AP1M1: variants seen among roughly 807,000 people sequenced by gnomAD.
AP1M1 encodes AP-1 complex subunit mu-1.
Under a neutral mutation model 57.1 loss-of-function variants are expected in AP1M1, and 18 were observed. That is an observed-to-expected ratio of 0.32 (90% CI 0.22 to 0.47). The LOEUF is 0.47. Ranked by LOEUF, AP1M1 falls within the 20% of genes least tolerant of loss-of-function variation. AP1M1 has a pLI of 1.00. For missense variants in AP1M1, 362 were observed against 593.5 expected (o/e 0.61, Z 4.05); for synonymous variants, 241 against 237.9 (o/e 1.01, Z -0.12).
At position 16,207,610 on chromosome 19, in the gene AP1M1, C is replaced by A. The variant is rs147903804; in HGVS notation, c.268-409C>A. On this transcript the variant is annotated intron_variant, in intron 3 of 11. Coordinates refer to ENST00000291439, the MANE Select transcript of AP1M1 (RefSeq NM_032493.4). The surrounding 1 kb of genome is among the most constrained non-coding windows in gnomAD (Gnocchi z 4.2). Reference sequence around the variant, plus strand: ...TCCCTTCCTTAACCTTCTGAGCTTTCCATTGAAATGGGGAAGATGCATCAA... The same window carrying A: ...TCCCTTCCTTAACCTTCTGAGCTTTACATTGAAATGGGGAAGATGCATCAA... 1.9e-3 allele frequency among the ~76,000 whole-genome samples: 293 copies of A among 152,264 alleles called. No homozygotes were observed. Among genetic ancestry groups the A allele is most frequent in the African/African-American group, 6.6e-3 (276 of 41,534 alleles).
At chr19:16,225,867 G>A (rs908347034) in intron 5 of AP1M1, among the ~76,000 whole-genome samples, 31 of 152,282 alleles carry the variant, frequency 2.0e-4, no homozygotes, top group African/African-American at 7.2e-4. Context: ...GGGAGGCCAA[G>A]AGGAGAAACA....
Position 16,241,949 on chromosome 19 carries a change from C to T in AP1M1, c.*7514C>T, listed in dbSNP as rs12978151. ...CAGAGGTTGTGGTGAGCTGAGATCGCGCCATTGCACTCCAGCCTGGGCAAT... is the reference window on the plus strand; with the variant it reads ...CAGAGGTTGTGGTGAGCTGAGATCGTGCCATTGCACTCCAGCCTGGGCAAT... On this transcript the variant is annotated 3_prime_UTR_variant, in exon 12 of 12. Coordinates refer to ENST00000291439, the MANE Select transcript of AP1M1 (RefSeq NM_032493.4). 0.55 allele frequency: 83,500 copies of T among 151,906 alleles called. 25,928 individuals carry two copies. Among genetic ancestry groups the T allele is most frequent in the Non-Finnish European group, 0.71 (48,424 of 68,284 alleles). 9.4% of individuals were successfully genotyped at this position (151,906 alleles called of 1,614,324 possible). A position where few individuals can be genotyped will look rare whatever the true frequency, so the allele number is the denominator to read the frequency against.
rs2091654542 is a variant in AP1M1 at position 16,244,079 on chromosome 19, G to A, written c.*9644G>A. 2.6e-5 allele frequency: 4 copies of A among 152,160 alleles called. No individual in the cohort carries two copies. The South Asian group carries it at 8.3e-4, about 31-fold the overall frequency. 9.4% of individuals were successfully genotyped at this position (152,160 alleles called of 1,614,324 possible). ...CTTCAGCAAAAACATTCACAAAGGGGAAAAAGGCAAAAGATACTTAAAGCA... is the reference window on the plus strand; with the variant it reads ...CTTCAGCAAAAACATTCACAAAGGGAAAAAAGGCAAAAGATACTTAAAGCA... On this transcript the variant is annotated 3_prime_UTR_variant, in exon 12 of 12. Transcript: ENST00000291439.
In AP1M1 at chr19:16,207,182, G is replaced by A. The variant is rs2091472843; in HGVS notation, c.267+774G>A. Among the ~76,000 whole-genome samples the A allele has an allele frequency of 6.6e-6, 1 of 152,120 alleles. No homozygotes were observed. Among genetic ancestry groups the A allele is most frequent in the African/African-American group, 2.4e-5 (1 of 41,420 alleles). Reference sequence around the variant, plus strand: ...TGGGGCTCACGAAAGTGGGGAACAGGACCCAGGAGGCCTGTGCTGGGCCTG... The same window carrying A: ...TGGGGCTCACGAAAGTGGGGAACAGAACCCAGGAGGCCTGTGCTGGGCCTG... On this transcript the variant is annotated intron_variant, in intron 3 of 11. Transcript: ENST00000291439. This position sits in a 1 kb window ranked among gnomAD's most constrained non-coding sequence, Gnocchi z 4.2.
Position 16,205,760 on chromosome 19 carries a change from C to T in AP1M1, c.200-581C>T, listed in dbSNP as rs2091466888. ...CCTGTGGCAGAAGGGAACATCTGTG[C>T]CAGACATCTCACCTACATTGCCTTG... On this transcript the variant is annotated intron_variant, in intron 2 of 11. Coordinates refer to ENST00000291439, the MANE Select transcript of AP1M1 (RefSeq NM_032493.4). Among the ~76,000 whole-genome samples the T allele has an allele frequency of 3.3e-5, 5 of 152,184 alleles. No individual in the cohort carries two copies. The South Asian group carries it at 1.0e-3, about 32-fold the overall frequency.
intron 5 of AP1M1, among the ~76,000 whole-genome samples, chr19:16,211,114 C>T (rs1365831527): frequency 5.2e-4 from 66 of 126,832 alleles, no homozygotes; most frequent in African/African-American, 1.6e-3. Flanking sequence ...TTTTTTTTTT[C>T]GACAGAGTCT....
chr19:16,227,013 C>T lies in AP1M1; in HGVS notation c.673+466C>T, dbSNP rs1464146613. Among the ~76,000 whole-genome samples, 1 of 152,172 alleles carries T rather than the reference C, an allele frequency of 6.6e-6. No homozygotes were observed. The highest frequency in any genetic ancestry group is 1.5e-5 in the Non-Finnish European group (1 of 68,012). Reference sequence around the variant, plus strand: ...GGCCTGGTTTTGTGAACTGTGCCTCCCACTCAGCTGTCACAGGCCACTGGA... The same window carrying T: ...GGCCTGGTTTTGTGAACTGTGCCTCTCACTCAGCTGTCACAGGCCACTGGA... On this transcript the variant is annotated intron_variant, in intron 6 of 11. Transcript: ENST00000291439. This position sits in a 1 kb window ranked among gnomAD's most constrained non-coding sequence, Gnocchi z 6.2.
chr19:16,197,975 T>TGCCGCCCCCACCGCCCTCGGC lies in AP1M1; in HGVS notation c.-52_-51insGCCGCCCCCACCGCCCTCGGC. 6.9e-7 allele frequency: 1 copy of TGCCGCCCCCACCGCCCTCGGC among 1,451,820 alleles called. No homozygotes were observed. Among genetic ancestry groups the TGCCGCCCCCACCGCCCTCGGC allele is most frequent in the Non-Finnish European group, 9.2e-7 (1 of 1,087,934 alleles). The allele number at this position is 1,451,820 out of a possible 1,614,324, so 89.9% of individuals were successfully genotyped here. ...GCTCAACGCCCAGCAGTCCCCACCG[T>TGCCGCCCCCACCGCCCTCGGC]CGCTGCCGCCGCCACCGCCCTCGGC... On this transcript the variant is annotated 5_prime_UTR_variant, in exon 1 of 12. Transcript: ENST00000291439.
chr19:16,237,839 C>G lies in AP1M1; in HGVS notation c.*3404C>G, dbSNP rs917211003. 1.3e-5 allele frequency: 2 copies of G among 152,036 alleles called. No homozygotes were observed. Among genetic ancestry groups the G allele is most frequent in the South Asian group, 2.1e-4 (1 of 4,830 alleles). 9.4% of individuals were successfully genotyped at this position (152,036 alleles called of 1,614,324 possible). On this transcript the variant is annotated 3_prime_UTR_variant, in exon 12 of 12. Coordinates refer to ENST00000291439, the MANE Select transcript of AP1M1 (RefSeq NM_032493.4). Reference sequence around the variant, plus strand: ...TGCTATTTGCATCATGTCGGCCCCCCCCAAAAAAATTTTTTTTTTTGAGAC... The same window carrying G: ...TGCTATTTGCATCATGTCGGCCCCCGCCAAAAAAATTTTTTTTTTTGAGAC...
intron 5 of AP1M1, among the ~76,000 whole-genome samples, chr19:16,215,209 GGGA>G (rs1568351046): frequency 2.4e-5 from 1 of 41,626 alleles, no homozygotes; most frequent in African/African-American, 6.3e-5. Context: ...GCGGGGGGGG[GGGA>G]GAGGGGGGAG....
At chr19:16,218,808 C>T (rs1358189479) in intron 5 of AP1M1, among the ~76,000 whole-genome samples, 2 of 152,156 alleles carry the variant, frequency 1.3e-5, no homozygotes, top group African/African-American at 4.8e-5. Flanking sequence ...TCTCTGGACA[C>T]ACCACCCTCC....
In AP1M1 at chr19:16,233,616, C is replaced by G; in HGVS notation, c.1171C>G (p.Gln391Glu). Residue 391 changes from glutamine to glutamate, a missense_variant and splice_region_variant, in exon 10 of 12, where the codon CAG (glutamine) becomes GAG (glutamate). Physicochemically the swap from Gln to Glu is conservative, Grantham distance 29. Coordinates refer to ENST00000291439, the MANE Select transcript of AP1M1 (RefSeq NM_032493.4). ...EIPYFTTSGI[Q>E]VRYLKIIEKS... Reference sequence around the variant, plus strand: ...CCCTTACTTCACTACCTCCGGCATCCAGGTACGTAAGGCCCAGGCGGCCGG... The same window carrying G: ...CCCTTACTTCACTACCTCCGGCATCGAGGTACGTAAGGCCCAGGCGGCCGG... 1 of 1,610,766 alleles carries G rather than the reference C, an allele frequency of 6.2e-7. No homozygotes were observed. Among genetic ancestry groups the G allele is most frequent in the Non-Finnish European group, 8.5e-7 (1 of 1,178,580 alleles).
rs573858077 is a variant in AP1M1 at position 16,228,035 on chromosome 19, C to G, written c.817-102C>G. The G allele has an allele frequency of 3.2e-6, 4 of 1,237,178 alleles. No homozygotes were observed. The highest frequency in any genetic ancestry group is 1.5e-5 in the African/African-American group (1 of 67,496). 76.6% of individuals were successfully genotyped at this position (1,237,178 alleles called of 1,614,324 possible). A position where few individuals can be genotyped will look rare whatever the true frequency, so the allele number is the denominator to read the frequency against. ...CTCCCTGCAGGGCTCTGGGCCCACA[C>G]CTGGGCAGATGGTCCCTTGCCCTGG... On this transcript the variant is annotated intron_variant, in intron 7 of 11. Coordinates refer to ENST00000291439, the MANE Select transcript of AP1M1 (RefSeq NM_032493.4). The surrounding 1 kb of genome is among the most constrained non-coding windows in gnomAD (Gnocchi z 5.0).
chr19:16,231,908 C>G (rs966896892), intron 9 of AP1M1, among the ~76,000 whole-genome samples: 1 of 152,210 alleles, frequency 6.6e-6, no homozygotes, highest in African/African-American at 2.4e-5. Context: ...CCTGTCCCTA[C>G]TGCTGTCTGT....
At chr19:16,215,094 A>AGATGT (rs1415579487) in intron 5 of AP1M1, among the ~76,000 whole-genome samples, 1 of 149,390 alleles carries the variant, frequency 6.7e-6, no homozygotes, top group Non-Finnish European at 1.5e-5. Flanking sequence ...TAGGTTGGCC[A>AGATGT]GATGTGAAAT....
chr19:16,214,109 C>A (rs560149148), intron 5 of AP1M1, among the ~76,000 whole-genome samples: 1 of 145,428 alleles, frequency 6.9e-6, no homozygotes, highest in Non-Finnish European at 1.5e-5. Context: ...AGTGCCATGG[C>A]GTGATCTTGG....
intron 9 of AP1M1, among the ~76,000 whole-genome samples, chr19:16,232,176 T>G (rs938476073): frequency 3.9e-5 from 6 of 152,224 alleles, no homozygotes; most frequent in Non-Finnish European, 5.9e-5. Flanking sequence ...CTTTCTCCCT[T>G]GTGATGATGG....
In AP1M1 at chr19:16,243,918, G is replaced by A. The variant is rs372343210; in HGVS notation, c.*9483G>A. On this transcript the variant is annotated 3_prime_UTR_variant, in exon 12 of 12. Transcript: ENST00000291439. ...AGATTGTGCCACTGCACTCCAGCCT[G>A]GGCAACGAAACGAGAGTCTGTCTCC... 3.9e-5 allele frequency: 6 copies of A among 152,294 alleles called. No homozygotes were observed. The highest frequency in any genetic ancestry group is 1.2e-4 in the African/African-American group (5 of 41,578). 9.4% of individuals were successfully genotyped at this position (152,294 alleles called of 1,614,324 possible).
chr19:16,220,790 C>T (rs2091540733), intron 5 of AP1M1, among the ~76,000 whole-genome samples: 1 of 152,216 alleles, frequency 6.6e-6, no homozygotes, highest in African/African-American at 2.4e-5. Flanking sequence ...TTACCTTTAT[C>T]CCTAAAGGCT....
Sources: gnomAD v4.1 joint callset for allele counts (sites outside exome capture counted in the v4.1 genomes callset) on GRCh38, gnomAD v4.1.1 for gene constraint, Gnocchi (gnomAD v3.1) non-coding constraint, MANE v1.5 for transcripts, NCBI Gene and HGNC (gene_info 2026-07-23, HGNC 2026-07-21) for gene names.